Variants in CLCNKA observed in about 807,000 individuals in gnomAD.
The protein encoded by CLCNKA is chloride voltage-gated channel Ka.
CLCNKA carries 66 observed loss-of-function variants against 83.3 expected under a neutral mutation model. The observed-to-expected ratio is 0.79, with a 90% CI of 0.65 to 0.97. CLCNKA has a LOEUF of 0.97. Ranked by LOEUF, CLCNKA falls within the 50% of genes least tolerant of loss-of-function variation. The pLI is 0.00. For synonymous variants in CLCNKA, 357 were observed against 370.4 expected (o/e 0.96, Z 0.42); for missense variants, 806 against 888.7 (o/e 0.91, Z 1.18).
Position 16,027,314 on chromosome 1 carries a change from C to G in CLCNKA, c.660C>G (p.Val220=). ...TGACATCAGTGTCGCCCCCAGGCGT[C>G]CTGTTCAGCATCGAGGTCATGTCTT... ...ATVFAAPFSG[V]LFSIEVMSSH... is the part of the protein sequence containing the mutation. The change falls in exon 8 of 20, where the codon GTC becomes GTG. Residue 220 remains valine (V), a synonymous_variant. Transcript: ENST00000331433. 1 of 1,613,200 alleles carries G rather than the reference C, an allele frequency of 6.2e-7. No homozygotes were observed. Among genetic ancestry groups the G allele is most frequent in the Non-Finnish European group, 8.5e-7 (1 of 1,179,980 alleles).
chr1:16,029,396 G>C (rs1343258191), intron 12 of CLCNKA, 97 bp downstream of exon 12: 1 of 1,566,344 alleles, frequency 6.4e-7, no homozygotes, highest in Non-Finnish European at 8.7e-7. Context: ...TGGAGCCCAG[G>C]CCTCTCACCC....
chr1:16,026,291 A>AACCAGC, intron 5 of CLCNKA, 44 bp downstream of exon 5: 1 of 1,599,602 alleles, frequency 6.3e-7, no homozygotes, highest in Non-Finnish European at 8.5e-7. Flanking sequence ...CGCCCACCCT[A>AACCAGC]CCCTGCCCCA....
At chr1:16,031,969 A>G (rs1570312514) in intron 16 of CLCNKA, 126 bp downstream of exon 16, 45 of 1,514,554 alleles carry the variant, frequency 3.0e-5, no homozygotes, top group South Asian at 2.0e-4. Context: ...TGTGACCTTG[A>G]GCAAGTCACT....
chr1:16,029,084 G>A (rs778083492), intron 11 of CLCNKA, 42 bp from the exon 12 acceptor site: 9 of 1,348,786 alleles, frequency 6.7e-6, no homozygotes, highest in East Asian at 2.3e-5. Context: ...TCTGCCGCTG[G>A]GGGGGGCCCC....
intron 10 of CLCNKA, 50 bp from the exon 11 acceptor site, chr1:16,028,711 G>T: frequency 6.2e-7 from 1 of 1,604,392 alleles, no homozygotes. Flanking sequence ...CCCTCTCCTC[G>T]GGATGTAGGA....
At position 16,029,786 on chromosome 1, in the gene CLCNKA, C is replaced by T. The variant is rs1407711304; in HGVS notation, c.1283C>T (p.Pro428Leu). 5 of 1,613,998 alleles carry T rather than the reference C, an allele frequency of 3.1e-6. No homozygotes were observed. Among genetic ancestry groups the T allele is most frequent in the Admixed American group, 1.7e-5 (1 of 59,986 alleles). The stretch of plus-strand genomic sequence containing the variant: ...CCCATGCCTGCCGGGTACTTCATGC[C>T]CATCTTTATCCTTGGTGAGTCTGGG... ...TIPMPAGYFMPIFILGAAIGR... is the reference protein window; with the variant it reads ...TIPMPAGYFMLIFILGAAIGR... Residue 428 changes from proline to leucine, a missense_variant, in exon 13 of 20, where the codon CCC (proline) becomes CTC (leucine). Transcript: ENST00000331433.
rs1017039828 is a variant in CLCNKA at position 16,033,720 on chromosome 1, C to G, written c.*62C>G. On this transcript the variant is annotated 3_prime_UTR_variant, in exon 20 of 20. Coordinates refer to ENST00000331433, the MANE Select transcript of CLCNKA (RefSeq NM_004070.4). ...ACCTGGTACTGAGGTTGGGCTGAGA[C>G]CCTGCTTCTCTTCCCCCATCACCAC... 6.5e-7 allele frequency: 1 copy of G among 1,530,068 alleles called. No individual in the cohort carries two copies. The highest frequency in any genetic ancestry group is 1.4e-5 in the African/African-American group (1 of 72,376). 94.8% of individuals were successfully genotyped at this position (1,530,068 alleles called of 1,614,324 possible).
chr1:16,026,454 G>C, intron 5 of CLCNKA, 82 bp from the exon 6 acceptor site: 1 of 1,577,474 alleles, frequency 6.3e-7, no homozygotes, highest in Non-Finnish European at 8.7e-7. Context: ...AGATGGAGGA[G>C]GGGGTGTGGT....
chr1:16,024,029 T>A, intron 3 of CLCNKA, 101 bp downstream of exon 3: 1 of 1,454,060 alleles, frequency 6.9e-7, no homozygotes, highest in Non-Finnish European at 9.6e-7. Context: ...GGGACGGACC[T>A]GGGTGCGGGG....
At chr1:16,030,212 T>C in intron 14 of CLCNKA, 137 bp downstream of exon 14, 1 of 750,308 alleles carries the variant, frequency 1.3e-6, no homozygotes, top group Non-Finnish European at 2.2e-6. Context: ...TGGGGGTCTG[T>C]CCCTCCTGAG....
chr1:16,029,770 G>A lies in CLCNKA; in HGVS notation c.1267G>A (p.Ala423Thr), dbSNP rs1357296921. 6.2e-7 allele frequency: 1 copy of A among 1,614,164 alleles called. No homozygotes were observed. Among genetic ancestry groups the A allele is most frequent in the Admixed American group, 1.7e-5 (1 of 60,028 alleles). The change falls in exon 13 of 20, where the codon GCC becomes ACC. Residue 423 changes from alanine (A) to threonine (T), a missense_variant. Ala to Thr is a moderately conservative substitution (Grantham distance 58). Coordinates refer to ENST00000331433, the MANE Select transcript of CLCNKA (RefSeq NM_004070.4). ...LILATTIPMP[A>T]GYFMPIFILG... ...TCTGGCCACCACCATCCCCATGCCTGCCGGGTACTTCATGCCCATCTTTAT... is the reference window on the plus strand; with the variant it reads ...TCTGGCCACCACCATCCCCATGCCTACCGGGTACTTCATGCCCATCTTTAT...
intron 5 of CLCNKA, 69 bp downstream of exon 5, chr1:16,026,316 C>T: frequency 1.3e-6 from 2 of 1,581,984 alleles, no homozygotes; most frequent in South Asian, 1.1e-5. Context: ...TCCCCCATAC[C>T]CCACCAAAGC....
At chr1:16,029,616 A>G in intron 12 of CLCNKA, 115 bp from the exon 13 acceptor site, 1 of 1,356,348 alleles carries the variant, frequency 7.4e-7, no homozygotes, top group Non-Finnish European at 1.1e-6. Context: ...CAGTGGGTGC[A>G]TGGCTGGCAC....
At position 16,033,269 on chromosome 1, in the gene CLCNKA, C is replaced by T. The variant is rs766419796; in HGVS notation, c.2016+13C>T. ...GTCCTGGGTGGAGGTACCAGGGTCC[C>T]GGGGGCAGAGCAAAGCAGGGGACCC... On this transcript the variant is annotated intron_variant, in intron 19 of 19. Coordinates refer to ENST00000331433, the MANE Select transcript of CLCNKA (RefSeq NM_004070.4). 6.2e-6 allele frequency: 10 copies of T among 1,613,584 alleles called. No homozygotes were observed. Among genetic ancestry groups the T allele is most frequent in the Middle Eastern group, 3.3e-4 (2 of 6,058 alleles).
At chr1:16,029,657 C>T (rs61772370) in intron 12 of CLCNKA, 74 bp from the exon 13 acceptor site, 1 of 1,559,136 alleles carries the variant, frequency 6.4e-7, no homozygotes, top group African/African-American at 1.4e-5. Context: ...TCCCCTGTCC[C>T]CTGTCCTGTC....
chr1:16,030,529 G>A lies in CLCNKA; in HGVS notation c.1477G>A (p.Gly493Ser), dbSNP rs745916706. The A allele has an allele frequency of 1.4e-5, 23 of 1,612,986 alleles. No homozygotes were observed. The highest frequency in any genetic ancestry group is 2.2e-5 in the East Asian group (1 of 44,896). Residue 493 changes from glycine (G) to serine (S), a missense_variant, in exon 15 of 20, where the codon GGC becomes AGC. Transcript: ENST00000331433. ...GGCGCTGCTGGCCTTTGAGCTGACCGGCCAGATAGTGCATGCACTGCCCGT... is the reference window on the plus strand; with the variant it reads ...GGCGCTGCTGGCCTTTGAGCTGACCAGCCAGATAGTGCATGCACTGCCCGT... ...STALLAFELT[G>S]QIVHALPVLM...
At chr1:16,028,196 C>G in intron 10 of CLCNKA, 77 bp downstream of exon 10, 2 of 1,357,324 alleles carry the variant, frequency 1.5e-6, no homozygotes, top group Non-Finnish European at 2.1e-6. Context: ...AAAGCCCCAC[C>G]CCCATCCTCC....
intron 12 of CLCNKA, 49 bp downstream of exon 12, chr1:16,029,348 TG>T (rs763342677): frequency 8.1e-6 from 13 of 1,612,668 alleles, no homozygotes; most frequent in Non-Finnish European, 1.0e-5. Flanking sequence ...CCAGCTCTGG[TG>T]GGGAGGGGCG....
Position 16,033,668 on chromosome 1 carries a change from G to A in CLCNKA, c.*10G>A. ...GCCAGCTCCAAAGTGAGCCGGCCCA[G>A]CAAGATGAAACAGGGCACCCCAGCT... On this transcript the variant is annotated 3_prime_UTR_variant, in exon 20 of 20. Transcript: ENST00000331433. The A allele has an allele frequency of 1.3e-6, 2 of 1,587,590 alleles. No individual in the cohort carries two copies. Among genetic ancestry groups the A allele is most frequent in the Non-Finnish European group, 1.7e-6 (2 of 1,167,512 alleles).
Sources: gnomAD v4.1 joint callset for allele counts on GRCh38, gnomAD v4.1.1 for gene constraint, MANE v1.5 for transcripts, NCBI Gene and HGNC (gene_info 2026-07-23, HGNC 2026-07-21) for gene names.